SYT9: variants seen among roughly 807,000 people sequenced by gnomAD.
SYT9 encodes synaptotagmin-9.
A neutral mutation model predicts 48.4 loss-of-function variants in SYT9; 22 were observed. The ratio of observed to expected loss-of-function variants is 0.45; its 90% CI spans 0.32 to 0.65. SYT9 has a LOEUF of 0.65. Among genes scored for constraint, SYT9 ranks in the 30% least tolerant of loss-of-function variants. SYT9 has a pLI of 0.03. For synonymous variants in SYT9, 265 were observed against 245.0 expected (o/e 1.08, Z -0.76); for missense variants, 577 against 622.0 (o/e 0.93, Z 0.77).
chr11:7,265,466 G>A (rs1174862650), intron 1 of SYT9, among the ~76,000 whole-genome samples: 1 of 152,132 alleles, frequency 6.6e-6, no homozygotes, highest in Non-Finnish European at 1.5e-5. Context: ...GATTGACTAA[G>A]TCAGCCTTCA....
chr11:7,292,435 A>T (rs1239181459), intron 1 of SYT9, among the ~76,000 whole-genome samples: 2 of 152,230 alleles, frequency 1.3e-5, no homozygotes, highest in African/African-American at 4.8e-5. Flanking sequence ...CTCTTCCCCC[A>T]TTGTAAAGGT....
Position 7,340,723 on chromosome 11 carries a change from G to T in SYT9, c.1044+26782G>T, listed in dbSNP as rs141525907. ...GAGCCTGGAGACAGCAAGGGTGATG[G>T]CTGCAAGACAGCAAAGATGGTAATC... is the stretch of plus-strand genomic sequence containing the variant. On this transcript the variant is annotated intron_variant, in intron 3 of 6. Coordinates refer to ENST00000318881, the MANE Select transcript of SYT9 (RefSeq NM_175733.4). Among the ~76,000 whole-genome samples, 117 of 152,334 alleles carry T rather than the reference G, an allele frequency of 7.7e-4. 1 individual carries two copies. The highest frequency in any genetic ancestry group is 8.8e-5 in the Non-Finnish European group (6 of 68,034).
At chr11:7,349,251 A>G (rs561078286) in intron 3 of SYT9, among the ~76,000 whole-genome samples, 252 of 152,252 alleles carry the variant, frequency 1.7e-3, no homozygotes, top group Middle Eastern at 6.8e-3. Flanking sequence ...TGATGCCAGC[A>G]TTCTGGAATA....
intron 6 of SYT9, among the ~76,000 whole-genome samples, chr11:7,427,111 T>G (rs138388958): frequency 9.9e-4 from 151 of 152,216 alleles, no homozygotes; most frequent in African/African-American, 3.5e-3. Flanking sequence ...AAAAAATGAA[T>G]GAATGAGATA....
At chr11:7,382,667 C>T (rs375711074) in intron 3 of SYT9, among the ~76,000 whole-genome samples, 7 of 152,256 alleles carry the variant, frequency 4.6e-5, no homozygotes, top group South Asian at 4.1e-4. Flanking sequence ...GATATGATGG[C>T]GATGTGAATG....
chr11:7,365,068 C>T (rs543728592), intron 3 of SYT9, among the ~76,000 whole-genome samples: 17 of 152,172 alleles, frequency 1.1e-4, no homozygotes, highest in East Asian at 3.9e-4. Flanking sequence ...AGGCCCACCC[C>T]GCACATATTC....
intron 3 of SYT9, among the ~76,000 whole-genome samples, chr11:7,375,596 C>A (rs1850438506): frequency 6.6e-6 from 1 of 151,908 alleles, no homozygotes; most frequent in East Asian, 1.9e-4. Context: ...TTTCCTTGAG[C>A]AGTGGTTTGT....
chr11:7,392,996 T>C (rs1846666287), intron 3 of SYT9, among the ~76,000 whole-genome samples: 1 of 152,164 alleles, frequency 6.6e-6, no homozygotes. Context: ...TAGGAGACTT[T>C]GGTGGAGACT....
intron 3 of SYT9, among the ~76,000 whole-genome samples, chr11:7,349,028 A>T (rs937922267): frequency 3.3e-5 from 5 of 151,866 alleles, no homozygotes; most frequent in Non-Finnish European, 7.4e-5. Flanking sequence ...ACACATCCAG[A>T]TGTGCTTTTG....
intron 3 of SYT9, among the ~76,000 whole-genome samples, chr11:7,344,680 C>T (rs1161250984): frequency 2.0e-5 from 3 of 152,136 alleles, no homozygotes; most frequent in Admixed American, 6.5e-5. Flanking sequence ...ATTTTATCCA[C>T]ACAATTGTCT....
chr11:7,451,460 C>T (rs996337171), intron 6 of SYT9, among the ~76,000 whole-genome samples: 2 of 152,196 alleles, frequency 1.3e-5, no homozygotes, highest in African/African-American at 4.8e-5. Flanking sequence ...TATGACTTTG[C>T]TTATGCAGCT....
chr11:7,403,645 CTAATT>C (rs1046764495), intron 3 of SYT9, among the ~76,000 whole-genome samples: 1 of 151,952 alleles, frequency 6.6e-6, no homozygotes, highest in African/African-American at 2.4e-5. Flanking sequence ...TTATTTATTT[CTAATT>C]TATTTCCATT....
At chr11:7,272,723 G>A (rs1456923482) in intron 1 of SYT9, among the ~76,000 whole-genome samples, 1 of 152,176 alleles carries the variant, frequency 6.6e-6, no homozygotes, top group Non-Finnish European at 1.5e-5. Flanking sequence ...GAGCACATAG[G>A]AGGGGCACCT....
intron 3 of SYT9, among the ~76,000 whole-genome samples, chr11:7,346,680 T>C (rs193051713): frequency 8.5e-5 from 13 of 152,328 alleles, no homozygotes; most frequent in African/African-American, 3.1e-4. Flanking sequence ...CTTGCGTCCC[T>C]TTTAAATTTT....
At chr11:7,464,480 C>T (rs4628658) in intron 6 of SYT9, among the ~76,000 whole-genome samples, 86,667 of 151,994 alleles carry the variant, frequency 0.57, 24,918 homozygotes, top group Middle Eastern at 0.64. Flanking sequence ...ACAGTGTGGC[C>T]TTGTGCAAAT....
intron 3 of SYT9, among the ~76,000 whole-genome samples, chr11:7,407,353 G>T (rs1847036794): frequency 2.2e-5 from 3 of 139,244 alleles, no homozygotes; most frequent in Non-Finnish European, 3.1e-5. Context: ...TTATGTTTAA[G>T]TCTATAATTT....
intron 1 of SYT9, among the ~76,000 whole-genome samples, chr11:7,272,285 C>T (rs926008462): frequency 7.2e-5 from 11 of 152,168 alleles, no homozygotes; most frequent in African/African-American, 2.7e-4. Context: ...TCAGTGGAAG[C>T]CTTTTTAATG....
intron 6 of SYT9, among the ~76,000 whole-genome samples, chr11:7,426,176 T>C (rs1297721680): frequency 1.3e-5 from 2 of 152,068 alleles, no homozygotes; most frequent in Admixed American, 6.6e-5. Flanking sequence ...TATAGGGAAG[T>C]ACAAAGGCTA....
chr11:7,258,533 A>T (rs533250033), intron 1 of SYT9, among the ~76,000 whole-genome samples: 3 of 152,128 alleles, frequency 2.0e-5, no homozygotes, highest in African/African-American at 7.2e-5. Flanking sequence ...CAAAAACTTT[A>T]AATCAACATT....
Sources: gnomAD v4.1 joint callset for allele counts (sites outside exome capture counted in the v4.1 genomes callset) on GRCh38, gnomAD v4.1.1 for gene constraint, MANE v1.5 for transcripts, NCBI Gene and HGNC (gene_info 2026-07-23, HGNC 2026-07-21) for gene names.